The following ACAT1 variants were observed in gnomAD, a reference collection of about 807,000 sequenced individuals.
ACAT1 encodes acetyl-CoA acetyltransferase 1, also known as acetyl-CoA acetyltransferase, mitochondrial.
ACAT1 carries 28 observed loss-of-function variants against 47.3 expected under a neutral mutation model. That is an observed-to-expected ratio of 0.59 (90% CI 0.44 to 0.81). The LOEUF is 0.81. Ranked by LOEUF, ACAT1 falls within the 30% of genes least tolerant of loss-of-function variation. The pLI, the probability that ACAT1 is intolerant of heterozygous loss-of-function variation, is 0.00. For missense variants in ACAT1, 469 were observed against 524.3 expected (o/e 0.89, Z 1.03); for synonymous variants, 181 against 173.6 (o/e 1.04, Z -0.34).
chr11:108,142,635 G>A (rs1021104273), intron 9 of ACAT1, 85 bp downstream of exon 9: 44 of 1,073,728 alleles, frequency 4.1e-5, no homozygotes, highest in Non-Finnish European at 5.5e-5. Flanking sequence ...CCCGGAGTTC[G>A]AAATCAGCCT....
intron 7 of ACAT1, 46 bp downstream of exon 7, chr11:108,140,261 T>C (rs1565293099): frequency 6.2e-7 from 1 of 1,608,840 alleles, no homozygotes; most frequent in South Asian, 1.1e-5. Context: ...TTCATGTTGC[T>C]GAATGTTTTA....
In ACAT1 at chr11:108,140,089, A is replaced by C; in HGVS notation, c.604A>C (p.Lys202Gln). The C allele has an allele frequency of 6.2e-7, 1 of 1,614,108 alleles. No individual in the cohort carries two copies. Among genetic ancestry groups the C allele is most frequent in the Non-Finnish European group, 8.5e-7 (1 of 1,179,954 alleles). ...HMGSCAENTA[K>Q]KLNIARNEQD... ...GGGCAGCTGTGCTGAGAATACAGCAAAGAAGCTGAATATTGCACGAAATGA... is the reference window on the plus strand; with the variant it reads ...GGGCAGCTGTGCTGAGAATACAGCACAGAAGCTGAATATTGCACGAAATGA... The change falls in exon 7 of 12, where the codon AAG becomes CAG. Residue 202 changes from lysine (K) to glutamine (Q), a missense_variant. Transcript: ENST00000265838.
At chr11:108,139,625 TAGAA>T (rs1357637190) in intron 6 of ACAT1, among the ~76,000 whole-genome samples, 1 of 152,108 alleles carries the variant, frequency 6.6e-6, no homozygotes, top group East Asian at 1.9e-4. Flanking sequence ...TGACCTGGTA[TAGAA>T]AGAAATATAT....
At chr11:108,136,422 T>C (rs1171237355) in intron 5 of ACAT1, 1 of 234,082 alleles carries the variant, frequency 4.3e-6, no homozygotes, top group Non-Finnish European at 8.2e-6. Context: ...GTGTGACTTG[T>C]CTGGATCTGC....
chr11:108,144,236 G>C, intron 10 of ACAT1, 189 bp downstream of exon 10: 1 of 628,986 alleles, frequency 1.6e-6, no homozygotes, highest in Non-Finnish European at 2.8e-6. Context: ...AAAAAATAAA[G>C]AACAGCTCAC....
At chr11:108,125,024 T>C (rs1411229101) in intron 1 of ACAT1, among the ~76,000 whole-genome samples, 1 of 152,224 alleles carries the variant, frequency 6.6e-6, no homozygotes, top group Non-Finnish European at 1.5e-5. Flanking sequence ...GAAATTTTGT[T>C]TCTCTGAGTT....
At chr11:108,131,354 A>ATTTTTTTTTTTTTTTTTTTTT (rs397951009) in intron 1 of ACAT1, among the ~76,000 whole-genome samples, 2,244 of 62,524 alleles carry the variant, frequency 0.036, 574 homozygotes, top group East Asian at 0.099. Context: ...AAGACTTGGA[A>ATTTTTTTTTTTTTTTTTTTTT]TTTTTTTTTT....
intron 1 of ACAT1, among the ~76,000 whole-genome samples, chr11:108,129,914 C>G (rs1382322564): frequency 2.0e-5 from 3 of 151,986 alleles, no homozygotes; most frequent in African/African-American, 7.3e-5. Flanking sequence ...TCCAGGAGTT[C>G]TGGTTTATTT....
intron 2 of ACAT1, among the ~76,000 whole-genome samples, chr11:108,132,838 A>G (rs1458732301): frequency 7.7e-6 from 1 of 130,584 alleles, no homozygotes; most frequent in Non-Finnish European, 1.6e-5. Flanking sequence ...TGGGCAACAG[A>G]GCAAAACTCC....
In ACAT1 at chr11:108,141,627, A is replaced by T. The variant is rs755683200; in HGVS notation, c.753A>T (p.Lys251Asn). The change falls in exon 8 of 12, where the codon AAA (lysine) becomes AAT (asparagine). Residue 251 changes from lysine (K) to asparagine (N), a missense_variant. By Grantham distance (94) the Lys-to-Asn change is moderately conservative. Transcript: ENST00000265838. ...TAGGTCAACCAGATGTAGTGGTGAA[A>T]GAAGATGAAGAATATAAACGTGTTG... ...TVKGQPDVVV[K>N]EDEEYKRVDF... The T allele has an allele frequency of 1.2e-6, 2 of 1,613,168 alleles. No individual in the cohort carries two copies. The highest frequency in any genetic ancestry group is 3.3e-5 in the Admixed American group (2 of 59,994).
At chr11:108,128,354 G>T (rs1245889955) in intron 1 of ACAT1, among the ~76,000 whole-genome samples, 1 of 152,210 alleles carries the variant, frequency 6.6e-6, no homozygotes, top group Non-Finnish European at 1.5e-5. Context: ...ACTTTGGGAG[G>T]CCGAGGCAGG....
At position 108,133,887 on chromosome 11, in the gene ACAT1, C is replaced by T. The variant is rs2077410437; in HGVS notation, c.188C>T (p.Pro63Leu). 1.2e-6 allele frequency: 2 copies of T among 1,613,902 alleles called. No homozygotes were observed. The highest frequency in any genetic ancestry group is 1.7e-6 in the Non-Finnish European group (2 of 1,180,026). The change falls in exon 3 of 12, where the codon CCA becomes CTA. Residue 63 changes from proline to leucine, a missense_variant. Coordinates refer to ENST00000265838, the MANE Select transcript of ACAT1 (RefSeq NM_000019.4). ...TTTTTAGGCAGCCTTTCCTTGCTGCCAGCCACTAAGCTTGGTTCCATTGCA... is the reference window on the plus strand; with the variant it reads ...TTTTTAGGCAGCCTTTCCTTGCTGCTAGCCACTAAGCTTGGTTCCATTGCA... ...GSFLGSLSLL[P>L]ATKLGSIAIQ...
At chr11:108,127,063 C>G (rs985764354) in intron 1 of ACAT1, among the ~76,000 whole-genome samples, 2 of 151,338 alleles carry the variant, frequency 1.3e-5, no homozygotes, top group Non-Finnish European at 3.0e-5. Flanking sequence ...TGATCCGCCC[C>G]CCTCGGCCTC....
At chr11:108,131,839 CTG>C in intron 1 of ACAT1, 66 bp from the exon 2 acceptor site, 1 of 747,954 alleles carries the variant, frequency 1.3e-6, no homozygotes, top group Non-Finnish European at 2.0e-6. Context: ...AACCTTATCA[CTG>C]AGAAATATAA....
intron 1 of ACAT1, among the ~76,000 whole-genome samples, chr11:108,126,575 T>G (rs891331917): frequency 6.6e-6 from 1 of 152,102 alleles, no homozygotes; most frequent in Non-Finnish European, 1.5e-5. Flanking sequence ...TAGAGAGGTG[T>G]CAGGGGAGGC....
At chr11:108,122,550 A>T (rs1485800048) in intron 1 of ACAT1, among the ~76,000 whole-genome samples, 1 of 152,176 alleles carries the variant, frequency 6.6e-6, no homozygotes, top group Non-Finnish European at 1.5e-5. Context: ...ATGGTAGGTC[A>T]CTCTAGTTCT....
chr11:108,139,179 T>G, intron 6 of ACAT1, 138 bp downstream of exon 6: 1 of 1,131,340 alleles, frequency 8.8e-7, no homozygotes, highest in Non-Finnish European at 1.3e-6. Flanking sequence ...TTGGAGAATA[T>G]TTTTGTATGC....
chr11:108,141,566 T>C lies in ACAT1; in HGVS notation c.731-39T>C, dbSNP rs1226291210. The stretch of plus-strand genomic sequence containing the variant: ...CAACAGTTGCTTGCTGAATGACTAC[T>C]TGTTTTGAGCGATTTTACTTAAAAT... On this transcript the variant is annotated intron_variant, in intron 7 of 11. Coordinates refer to ENST00000265838, the MANE Select transcript of ACAT1 (RefSeq NM_000019.4). 1.3e-6 allele frequency: 2 copies of C among 1,520,646 alleles called. No individual in the cohort carries two copies. Among genetic ancestry groups the C allele is most frequent in the Admixed American group, 1.7e-5 (1 of 59,280 alleles). 94.2% of individuals were successfully genotyped at this position (1,520,646 alleles called of 1,614,324 possible).
At chr11:108,139,820 C>T (rs2134759889) in intron 6 of ACAT1, among the ~76,000 whole-genome samples, 1 of 105,810 alleles carries the variant, frequency 9.5e-6, no homozygotes, top group East Asian at 2.0e-4. Flanking sequence ...GCCCCCATGC[C>T]CGGCTAATTT....
Sources: gnomAD v4.1 joint callset for allele counts (sites outside exome capture counted in the v4.1 genomes callset) on GRCh38, gnomAD v4.1.1 for gene constraint, MANE v1.5 for transcripts, NCBI Gene and HGNC (gene_info 2026-07-23, HGNC 2026-07-21) for gene names.